The following MED13L variants were observed in gnomAD, a reference collection of about 807,000 sequenced individuals.
MED13L encodes mediator complex subunit 13L, also known as mediator of RNA polymerase II transcription subunit 13-like.
MED13L carries 7 observed loss-of-function variants against 220.9 expected under a neutral mutation model. The ratio of observed to expected loss-of-function variants is 0.03; its 90% CI spans 0.02 to 0.06. MED13L has a LOEUF of 0.06. MED13L is among the 10% of genes least tolerant of loss of function. The pLI is 1.00. For missense variants in MED13L, 1,965 were observed against 2,760.5 expected, an observed-to-expected ratio of 0.71 and a Z score of 6.46; for synonymous variants, 1,011 against 1,015.2, an observed-to-expected ratio of 1.00 and a Z score of 0.08.
At chr12:116,121,593 TGCTTTTAGAATTCAG>T (rs1288013941) in intron 2 of MED13L, among the ~76,000 whole-genome samples, 2 of 152,164 alleles carry the variant, frequency 1.3e-5, no homozygotes, top group Non-Finnish European at 2.9e-5. Flanking sequence ...TTCAAGCTCA[TGCTTTTAGAATTCAG>T]GTCACCCAGC....
intron 3 of MED13L, chr12:116,110,382 TA>T (rs1232041288): frequency 6.7e-6 from 1 of 150,254 alleles, no homozygotes; most frequent in Non-Finnish European, 1.5e-5. Context: ...AATAAATAAA[TA>T]AATAAGGAAA....
chr12:116,082,358 C>T (rs1313281139), intron 4 of MED13L, among the ~76,000 whole-genome samples: 3 of 152,174 alleles, frequency 2.0e-5, no homozygotes, highest in Non-Finnish European at 2.9e-5. Context: ...TATGTCTCTA[C>T]ATGTGTTGAA....
intron 2 of MED13L, among the ~76,000 whole-genome samples, chr12:116,127,690 C>A (rs1317711717): frequency 6.6e-6 from 1 of 152,198 alleles, no homozygotes; most frequent in Non-Finnish European, 1.5e-5. Flanking sequence ...CTTTTACAAT[C>A]CAGCTTCATC....
chr12:115,984,089 A>G, intron 20 of MED13L, 91 bp downstream of exon 20: 1 of 1,371,076 alleles, frequency 7.3e-7, no homozygotes. Flanking sequence ...GAGACAAAAG[A>G]AATATAATGT....
intron 2 of MED13L, among the ~76,000 whole-genome samples, chr12:116,132,013 T>C (rs553863676): frequency 6.6e-6 from 1 of 151,308 alleles, no homozygotes; most frequent in South Asian, 2.1e-4. Flanking sequence ...GTGCGGTGGC[T>C]CATGCCTGTA....
intron 2 of MED13L, among the ~76,000 whole-genome samples, chr12:116,195,187 C>T (rs1395214062): frequency 3.9e-5 from 6 of 152,032 alleles, no homozygotes; most frequent in African/African-American, 9.7e-5. Context: ...CACTGCCTGG[C>T]CAACTGGAAC....
intron 4 of MED13L, among the ~76,000 whole-genome samples, chr12:116,051,203 A>G (rs2603812): frequency 0.93 from 140,760 of 151,912 alleles, 65,244 homozygotes; most frequent in Admixed American, 0.95. Context: ...AACATTTTTC[A>G]AAGATAAAAA....
At chr12:116,177,860 A>G (rs1315793100) in intron 2 of MED13L, among the ~76,000 whole-genome samples, 1 of 151,554 alleles carries the variant, frequency 6.6e-6, no homozygotes, top group Non-Finnish European at 1.5e-5. Flanking sequence ...CCAAGAAACA[A>G]TTTTTTTTTA....
intron 1 of MED13L, among the ~76,000 whole-genome samples, chr12:116,255,165 G>A (rs1256202246): frequency 6.6e-6 from 1 of 152,158 alleles, no homozygotes; most frequent in Non-Finnish European, 1.5e-5. Context: ...AATCATCATA[G>A]TGTAGTACTG....
chr12:116,107,949 G>C (rs933412825), intron 3 of MED13L, among the ~76,000 whole-genome samples: 1 of 152,088 alleles, frequency 6.6e-6, no homozygotes, highest in African/African-American at 2.4e-5. Flanking sequence ...AATTAGCTGG[G>C]CATGGTGGCA....
chr12:115,992,843 T>A (rs1486274817), intron 16 of MED13L, among the ~76,000 whole-genome samples: 2 of 152,238 alleles, frequency 1.3e-5, no homozygotes, highest in East Asian at 1.9e-4. Context: ...CAGTGACTTC[T>A]TTTTGGAACA....
intron 4 of MED13L, among the ~76,000 whole-genome samples, chr12:116,072,315 A>G (rs572078089): frequency 6.6e-6 from 1 of 152,348 alleles, no homozygotes; most frequent in African/African-American, 2.4e-5. Context: ...TTTCTTGATG[A>G]ACAATGGTAA....
intron 7 of MED13L, among the ~76,000 whole-genome samples, chr12:116,015,929 C>G (rs939680104): frequency 6.6e-6 from 1 of 152,154 alleles, no homozygotes; most frequent in Non-Finnish European, 1.5e-5. Flanking sequence ...TCACTGGTTT[C>G]TCTCTAGTAA....
At position 116,237,688 on chromosome 12, in the gene MED13L, G is replaced by A; in HGVS notation, c.90C>T (p.Ile30=). 1.9e-6 allele frequency: 3 copies of A among 1,614,120 alleles called. No individual in the cohort carries two copies. The highest frequency in any genetic ancestry group is 2.5e-6 in the Non-Finnish European group (3 of 1,180,006). ...CTCCAAAATTGTACCTACGCCATTT[G>A]ATTCCCGTGAGTTCAGCCTGGAAAA... is the stretch of plus-strand genomic sequence containing the variant. The part of the protein sequence containing the change: ...NLFSLAELTG[I]KWRRYNFGGH... The change falls in exon 2 of 31, where the codon ATC becomes ATT. Residue 30 remains isoleucine (I), a synonymous_variant. Coordinates refer to ENST00000281928, the MANE Select transcript of MED13L (RefSeq NM_015335.5).
intron 2 of MED13L, among the ~76,000 whole-genome samples, chr12:116,161,358 T>C (rs1878838693): frequency 6.6e-6 from 1 of 152,042 alleles, no homozygotes; most frequent in Admixed American, 6.6e-5. Context: ...AGTTTGAAAA[T>C]CTAAAGAGTT....
At chr12:116,049,892 G>C (rs1463245412) in intron 4 of MED13L, among the ~76,000 whole-genome samples, 1 of 152,084 alleles carries the variant, frequency 6.6e-6, no homozygotes, top group Non-Finnish European at 1.5e-5. Context: ...AAATAGAATA[G>C]AATTGAAAAT....
At chr12:116,129,899 ACTCAGT>A (rs1221336793) in intron 2 of MED13L, among the ~76,000 whole-genome samples, 2 of 148,426 alleles carry the variant, frequency 1.3e-5, no homozygotes, top group Non-Finnish European at 3.0e-5. Context: ...ACAGAGTGAG[ACTCAGT>A]CTCAAAAAAA....
chr12:116,270,232 C>G (rs567532929), intron 1 of MED13L, among the ~76,000 whole-genome samples: 2 of 151,990 alleles, frequency 1.3e-5, no homozygotes, highest in Non-Finnish European at 2.9e-5. Flanking sequence ...ACCTCTGCCT[C>G]CTGGAATCAA....
chr12:116,039,233 G>A (rs1566024811), intron 4 of MED13L, among the ~76,000 whole-genome samples: 1 of 152,172 alleles, frequency 6.6e-6, no homozygotes, highest in Non-Finnish European at 1.5e-5. Flanking sequence ...ACTCACTGTG[G>A]CTTGGCATCT....
Sources: allele counts gnomAD v4.1 joint callset (sites outside exome capture counted in the v4.1 genomes callset), GRCh38; gene constraint gnomAD v4.1.1; transcripts MANE v1.5; gene names NCBI Gene and HGNC (gene_info 2026-07-23, HGNC 2026-07-21).